The following RSPRY1 variants were observed in gnomAD, a reference collection of about 807,000 sequenced individuals.
The protein encoded by RSPRY1 is ring finger and SPRY domain containing 1, also known as RING finger and SPRY domain-containing protein 1.
RSPRY1 carries 23 observed loss-of-function variants against 73.1 expected under a neutral mutation model. That is an observed-to-expected ratio of 0.31 (90% CI 0.23 to 0.45). The LOEUF is 0.45. Ranked by LOEUF, RSPRY1 falls within the 20% of genes least tolerant of loss-of-function variation. The probability of loss-of-function intolerance (pLI) is 1.00; values close to 1 mark genes in which losing one functional copy is unlikely to be tolerated. For missense variants in RSPRY1, 448 were observed against 698.7 expected (o/e 0.64, Z 4.05); for synonymous variants, 226 against 251.4 (o/e 0.90, Z 0.95).
intron 2 of RSPRY1, among the ~76,000 whole-genome samples, chr16:57,205,459 A>G (rs1481193384): frequency 2.0e-5 from 3 of 152,142 alleles, no homozygotes; most frequent in Admixed American, 6.5e-5. Context: ...GAGAGTTTTC[A>G]TTATCCTTTA....
At chr16:57,192,073 T>C (rs192818741) in intron 1 of RSPRY1, among the ~76,000 whole-genome samples, 1 of 152,354 alleles carries the variant, frequency 6.6e-6, no homozygotes, top group East Asian at 1.9e-4. Context: ...GACTTTATGT[T>C]ACAGATTTTA....
At chr16:57,187,448 TC>T (rs1310739104) in intron 1 of RSPRY1, among the ~76,000 whole-genome samples, 2 of 152,202 alleles carry the variant, frequency 1.3e-5, no homozygotes, top group African/African-American at 4.8e-5. Flanking sequence ...GTGTCTGTTA[TC>T]GACTGAGTAG....
intron 1 of RSPRY1, among the ~76,000 whole-genome samples, chr16:57,203,042 A>T (rs1181392971): frequency 6.6e-6 from 1 of 152,074 alleles, no homozygotes; most frequent in Non-Finnish European, 1.5e-5. Flanking sequence ...ACAGTGGCTC[A>T]CACCTGTAAT....
rs2075352291 is a variant in RSPRY1 at position 57,239,761 on chromosome 16, T to C, written c.*786T>C. The C allele has an allele frequency of 6.6e-6, 1 of 151,942 alleles. No homozygotes were observed. The highest frequency in any genetic ancestry group is 2.4e-5 in the African/African-American group (1 of 41,388). 9.4% of individuals were successfully genotyped at this position (151,942 alleles called of 1,614,324 possible). A position where few individuals can be genotyped will look rare whatever the true frequency, so the allele number is the denominator to read the frequency against. On this transcript the variant is annotated 3_prime_UTR_variant, in exon 15 of 15. Transcript: ENST00000394420. ...AGCTGTAATGTTAGGTTGGAGAAAA[T>C]TTGGTATTTAGGGTATTTTCAAGGT...
rs1045038636 is a variant in RSPRY1, at chr16:57,213,188, A to G, written c.643+90A>G. On this transcript the variant is annotated intron_variant, in intron 5 of 14. Coordinates refer to ENST00000394420, the MANE Select transcript of RSPRY1 (RefSeq NM_133368.3). ...TGTATGTCTTTGATCAAACTGCTAT[A>G]CCAGAAAGAAATCTCTTAAAAATGA... 1.8e-5 allele frequency: 22 copies of G among 1,236,748 alleles called. No homozygotes were observed. In the South Asian group the frequency reaches 3.6e-4, roughly 20 times the overall value. The allele number at this position is 1,236,748 out of a possible 1,614,324, so 76.6% of individuals were successfully genotyped here.
At chr16:57,217,280 C>T (rs891121752) in intron 8 of RSPRY1, among the ~76,000 whole-genome samples, 1 of 152,194 alleles carries the variant, frequency 6.6e-6, no homozygotes, top group Non-Finnish European at 1.5e-5. Context: ...TTTCCTGCTG[C>T]ATCAAAGCCC....
intron 1 of RSPRY1, among the ~76,000 whole-genome samples, chr16:57,193,873 C>G (rs113678753): frequency 1.1e-4 from 17 of 152,220 alleles, no homozygotes; most frequent in African/African-American, 4.1e-4. Context: ...TGAGACCAGC[C>G]TAGCCCACAT....
At position 57,227,306 on chromosome 16, in the gene RSPRY1, A is replaced by G. The variant is rs1424658846; in HGVS notation, c.1162-36A>G. ...TCTCTGTTCCCAGGTCAGAGCAGGC[A>G]GACTTGCTAATCTTCTGGGCCTTGT... On this transcript the variant is annotated intron_variant, in intron 10 of 14. Transcript: ENST00000394420. 2.8e-6 allele frequency: 4 copies of G among 1,427,632 alleles called. No individual in the cohort carries two copies. In the African/African-American group the frequency reaches 5.6e-5, roughly 20 times the overall value. The allele number at this position is 1,427,632 out of a possible 1,614,324, so 88.4% of individuals were successfully genotyped here.
intron 1 of RSPRY1, chr16:57,187,102 C>T (rs2074227084): frequency 6.6e-6 from 1 of 152,174 alleles, no homozygotes; most frequent in Non-Finnish European, 1.5e-5. Flanking sequence ...AAGAAGACAC[C>T]TCCATCCACA....
Position 57,204,855 on chromosome 16 carries a change from G to C in RSPRY1, c.197G>C (p.Ser66Thr). ...VDTQQQQAEN[S>T]AVPTADTRSQ... Reference sequence around the variant, plus strand: ...ACCCAACAGCAACAGGCCGAGAACAGTGCAGTACCCACTGCTGACACAAGG... The same window carrying C: ...ACCCAACAGCAACAGGCCGAGAACACTGCAGTACCCACTGCTGACACAAGG... Residue 66 changes from serine (S) to threonine (T), a missense_variant, in exon 2 of 15, where the codon AGT (serine) becomes ACT (threonine). Coordinates refer to ENST00000394420, the MANE Select transcript of RSPRY1 (RefSeq NM_133368.3). 6.2e-7 allele frequency: 1 copy of C among 1,614,212 alleles called. No homozygotes were observed. The highest frequency in any genetic ancestry group is 8.5e-7 in the Non-Finnish European group (1 of 1,180,048).
rs1230223507 is a variant in RSPRY1 at position 57,220,808 on chromosome 16, T to C, written c.978T>C (p.Asp326=). ...SSIRAMLNSN[D]VSEYLKISPH... ...TTAGGGCCATGCTGAATAGCAATGA[T>C]GTCAGCGAGTACCTGAAGATCTCAC... The change falls in exon 9 of 15, where the codon GAT becomes GAC. Residue 326 remains aspartate, a synonymous_variant. Coordinates refer to ENST00000394420, the MANE Select transcript of RSPRY1 (RefSeq NM_133368.3). 4.3e-6 allele frequency: 7 copies of C among 1,613,864 alleles called. No homozygotes were observed. The highest frequency in any genetic ancestry group is 5.1e-6 in the Non-Finnish European group (6 of 1,179,716).
chr16:57,186,224 G>C (rs750422966), upstream of RSPRY1: 1 of 961,754 alleles, frequency 1.0e-6, no homozygotes, highest in Non-Finnish European at 1.2e-6. Context: ...CACGTGACAC[G>C]ATTTTTGAAA....
At position 57,235,133 on chromosome 16, in the gene RSPRY1, T is replaced by C; in HGVS notation, c.1539T>C (p.Arg513=). ...TGCTTTTTCTACTCAGGCACAGGCG[T>C]CTTGCTCTGTTGAAGCAAGTCAGTA... ...EEKIILPRHR[R]LALLKQVSIR... is the part of the protein sequence containing the mutation. Residue 513 remains arginine (R), a synonymous_variant, in exon 14 of 15, where the codon CGT becomes CGC. Transcript: ENST00000394420. The C allele has an allele frequency of 6.2e-7, 1 of 1,613,654 alleles. No individual in the cohort carries two copies. Among genetic ancestry groups the C allele is most frequent in the Non-Finnish European group, 8.5e-7 (1 of 1,179,514 alleles).
At chr16:57,195,999 C>A (rs1015970685) in intron 1 of RSPRY1, among the ~76,000 whole-genome samples, 22 of 138,052 alleles carry the variant, frequency 1.6e-4, no homozygotes, top group Non-Finnish European at 3.0e-4. Context: ...TCCAGCCTGG[C>A]GACAGAGTGA....
At chr16:57,199,748 A>C (rs1567487411) in intron 1 of RSPRY1, among the ~76,000 whole-genome samples, 1 of 152,020 alleles carries the variant, frequency 6.6e-6, no homozygotes, top group Non-Finnish European at 1.5e-5. Context: ...CATCTGACCT[A>C]CTGGCCCAGA....
intron 10 of RSPRY1, among the ~76,000 whole-genome samples, chr16:57,223,572 G>A (rs1336634024): frequency 6.6e-6 from 1 of 152,116 alleles, no homozygotes; most frequent in Non-Finnish European, 1.5e-5. Flanking sequence ...TTAAGGTCAG[G>A]AGTTTGACTG....
At chr16:57,209,001 T>C in intron 3 of RSPRY1, 74 bp from the exon 4 acceptor site, 1 of 989,482 alleles carries the variant, frequency 1.0e-6, no homozygotes, top group Non-Finnish European at 1.5e-6. Context: ...TTAATGTGAA[T>C]TGATCTCGTG....
chr16:57,234,380 A>G (rs1435688238), intron 13 of RSPRY1, among the ~76,000 whole-genome samples: 1 of 152,020 alleles, frequency 6.6e-6, no homozygotes, highest in Non-Finnish European at 1.5e-5. Flanking sequence ...CCTTTTCTTC[A>G]TAGTATTTAT....
chr16:57,210,443 C>T (rs2074818666), intron 4 of RSPRY1, among the ~76,000 whole-genome samples: 1 of 151,946 alleles, frequency 6.6e-6, no homozygotes, highest in South Asian at 2.1e-4. Context: ...TGGTTCACGC[C>T]TGTAATCCTA....
Sources: allele counts gnomAD v4.1 joint callset (sites outside exome capture counted in the v4.1 genomes callset), GRCh38; gene constraint gnomAD v4.1.1; transcripts MANE v1.5; gene names NCBI Gene and HGNC (gene_info 2026-07-23, HGNC 2026-07-21).